PRAM1: variants seen among roughly 807,000 people sequenced by gnomAD.
PRAM1 encodes the protein PML-RARA regulated adaptor molecule 1.
In PRAM1, 41 loss-of-function variants were observed where a neutral mutation model predicts 55.3. The ratio of observed to expected loss-of-function variants is 0.74; its 90% CI spans 0.58 to 0.96. The LOEUF (loss-of-function observed/expected upper bound fraction) is 0.96. PRAM1 is among the 40% of genes least tolerant of loss of function. The probability of loss-of-function intolerance (pLI) is 0.00; values close to 1 mark genes in which losing one functional copy is unlikely to be tolerated. For synonymous variants in PRAM1, 401 were observed against 387.1 expected (o/e 1.04, Z -0.42); for missense variants, 898 against 892.7 (o/e 1.01, Z -0.08).
chr19:8,501,314 C>T (rs551631036), intron 1 of PRAM1, among the ~76,000 whole-genome samples: 4 of 151,280 alleles, frequency 2.6e-5, no homozygotes, highest in African/African-American at 7.3e-5. Context: ...AGGCTGGTCT[C>T]GAACTCCTGA....
intron 4 of PRAM1, among the ~76,000 whole-genome samples, chr19:8,497,179 T>A (rs2145791133): frequency 6.6e-6 from 1 of 150,810 alleles, no homozygotes; most frequent in South Asian, 2.1e-4. Flanking sequence ...CCTGCTTTTT[T>A]TTTTTTTTTT....
In PRAM1 at chr19:8,498,187, A is replaced by T. The variant is rs1376474553; in HGVS notation, c.1499+36T>A. 6 of 1,598,550 alleles carry T rather than the reference A, an allele frequency of 3.8e-6. No individual in the cohort carries two copies. The Admixed American group carries it at 1.0e-4, about 27-fold the overall frequency. On this transcript the variant is annotated intron_variant, in intron 3 of 9. Coordinates refer to ENST00000423345, the MANE Select transcript of PRAM1 (RefSeq NM_032152.5). ...GAGATGAGGCCTCTTTGAGCCCCAC[A>T]ATCCGCACCCACCTCCGCTTCCTCC... is the stretch of plus-strand genomic sequence containing the variant.
intron 2 of PRAM1, 39 bp from the exon 3 acceptor site, chr19:8,498,328 C>T: frequency 6.2e-7 from 1 of 1,600,870 alleles, no homozygotes; most frequent in Non-Finnish European, 8.5e-7. Flanking sequence ...CCGGCACTGC[C>T]TGGGACCTCA....
Position 8,493,717 on chromosome 19 carries a change from C to T in PRAM1, c.1577-2560G>A, listed in dbSNP as rs1168797938. 6.6e-6 allele frequency among the ~76,000 whole-genome samples: 1 copy of T among 152,196 alleles called. No individual in the cohort carries two copies. Among genetic ancestry groups the T allele is most frequent in the Non-Finnish European group, 1.5e-5 (1 of 68,032 alleles). The stretch of plus-strand genomic sequence containing the variant: ...GAGTCCTGGCCCCAAGAGACCTAAG[C>T]TGCCTTTGAGAAGCTGCACCCACAG... On this transcript the variant is annotated intron_variant, in intron 4 of 9. Transcript: ENST00000423345. This position sits in a 1 kb window ranked among gnomAD's most constrained non-coding sequence, Gnocchi z 4.1.
intron 4 of PRAM1, among the ~76,000 whole-genome samples, chr19:8,495,494 C>T (rs2145789225): frequency 6.6e-6 from 1 of 152,224 alleles, no homozygotes; most frequent in South Asian, 2.1e-4. Flanking sequence ...GCCCACCGGA[C>T]CTCCCAAACT....
At chr19:8,500,523 G>C (rs761241842) in intron 1 of PRAM1, among the ~76,000 whole-genome samples, 1 of 151,972 alleles carries the variant, frequency 6.6e-6, no homozygotes, top group South Asian at 2.1e-4. Context: ...CTCAAAACTC[G>C]GCAATGCTTC....
rs1371136158 is a variant in PRAM1, at chr19:8,499,405, C to G, written c.403G>C (p.Gly135Arg). ...GGCTTCCTTGGAAACGGAGTGGCCC[C>G]CAGCTGTGGGAACTTCTTGGAGAGG... ...SDLSKKFPQL[G>R]ATPFPRKPLQ... Residue 135 changes from glycine (G) to arginine (R), a missense_variant, in exon 2 of 10, where the codon GGG (glycine) becomes CGG (arginine). Coordinates refer to ENST00000423345, the MANE Select transcript of PRAM1 (RefSeq NM_032152.5). 1.2e-6 allele frequency: 2 copies of G among 1,612,710 alleles called. No individual in the cohort carries two copies. The highest frequency in any genetic ancestry group is 3.3e-5 in the Admixed American group (2 of 60,004).
Position 8,498,497 on chromosome 19 carries a change from A to G in PRAM1, c.1311T>C (p.His437=). 4 of 1,595,874 alleles carry G rather than the reference A, an allele frequency of 2.5e-6. No homozygotes were observed. Among genetic ancestry groups the G allele is most frequent in the Non-Finnish European group, 2.6e-6 (3 of 1,170,682 alleles). The change falls in exon 2 of 10, where the codon CAT becomes CAC. Residue 437 remains histidine (H), a synonymous_variant. Transcript: ENST00000423345. ...GGARPGLRPS[H]PPRRRPLPPA... The stretch of plus-strand genomic sequence containing the variant: ...GGGGCAGAGGCCTCCGCCGGGGTGG[A>G]TGGCTGGGTCTGAGGCCTGGCCTGG...
chr19:8,498,885 C>T lies in PRAM1; in HGVS notation c.923G>A (p.Arg308Lys). ...CGCTTTGAATTCGGCCGGCCGCGGC[C>T]TCTTGGGAAGCACGCTGACTTCGGG... ...SEPEVSVLPK[R>K]PRPAEFKALS... The change falls in exon 2 of 10, where the codon AGG (arginine) becomes AAG (lysine). Residue 308 changes from arginine (R) to lysine (K), a missense_variant. By Grantham distance (26) the Arg-to-Lys change is conservative. Coordinates refer to ENST00000423345, the MANE Select transcript of PRAM1 (RefSeq NM_032152.5). 6.2e-7 allele frequency: 1 copy of T among 1,612,678 alleles called. No homozygotes were observed. Among genetic ancestry groups the T allele is most frequent in the Non-Finnish European group, 8.5e-7 (1 of 1,179,444 alleles).
intron 4 of PRAM1, among the ~76,000 whole-genome samples, chr19:8,494,512 A>G (rs1432180104): frequency 6.6e-6 from 1 of 152,080 alleles, no homozygotes; most frequent in Non-Finnish European, 1.5e-5. Context: ...GAGCAGGAGC[A>G]CCTTAGAAGC....
Position 8,494,159 on chromosome 19 carries a change from T to C in PRAM1, c.1577-3002A>G, listed in dbSNP as rs180683234. On this transcript the variant is annotated intron_variant, in intron 4 of 9. Transcript: ENST00000423345. ...TGGCAAGGAAGGGGGAGAAGGTTATTTGGTGACAGGAACAATGGGCCAAGG... is the reference window on the plus strand; with the variant it reads ...TGGCAAGGAAGGGGGAGAAGGTTATCTGGTGACAGGAACAATGGGCCAAGG... 1.0e-3 allele frequency among the ~76,000 whole-genome samples: 155 copies of C among 152,284 alleles called. 1 individual carries two copies. The highest frequency in any genetic ancestry group is 3.6e-3 in the African/African-American group (151 of 41,554).
chr19:8,494,699 T>C (rs1043449922), intron 4 of PRAM1, among the ~76,000 whole-genome samples: 14 of 151,234 alleles, frequency 9.3e-5, no homozygotes, highest in Non-Finnish European at 1.3e-4. Flanking sequence ...TGGCAGGATC[T>C]CAGCTTACTG....
In PRAM1 at chr19:8,493,766, G is replaced by A. The variant is rs1971660806; in HGVS notation, c.1577-2609C>T. ...AGTGAGAAGCCCACGCCACTCCTGA[G>A]AAGCGGGAGATCCAGGGAAGTGGGA... is the stretch of plus-strand genomic sequence containing the variant. On this transcript the variant is annotated intron_variant, in intron 4 of 9. Transcript: ENST00000423345. The surrounding 1 kb of genome is among the most constrained non-coding windows in gnomAD (Gnocchi z 4.1). Among the ~76,000 whole-genome samples, 1 of 152,166 alleles carries A rather than the reference G, an allele frequency of 6.6e-6. No homozygotes were observed. Among genetic ancestry groups the A allele is most frequent in the Non-Finnish European group, 1.5e-5 (1 of 68,028 alleles).
At chr19:8,499,914 C>T (rs1284329822) in intron 1 of PRAM1, 134 bp from the exon 2 acceptor site, 2 of 703,276 alleles carry the variant, frequency 2.8e-6, no homozygotes, top group Non-Finnish European at 4.6e-6. Flanking sequence ...TCAGCTCTTT[C>T]CCAGGAGCCC....
At position 8,502,141 on chromosome 19, in the gene PRAM1, C is replaced by T. The variant is rs544213582; in HGVS notation, c.27+424G>A. On this transcript the variant is annotated intron_variant, in intron 1 of 9. Coordinates refer to ENST00000423345, the MANE Select transcript of PRAM1 (RefSeq NM_032152.5). ...CCGAGTGGTTTGAAGGAAGTGCTCC[C>T]GGGCGACCACAGGGCTAGATAAGTC... is the stretch of plus-strand genomic sequence containing the variant. Among the ~76,000 whole-genome samples the T allele has an allele frequency of 5.9e-5, 9 of 152,260 alleles. No individual in the cohort carries two copies. The South Asian group carries it at 8.3e-4, about 14-fold the overall frequency.
intron 4 of PRAM1, among the ~76,000 whole-genome samples, chr19:8,496,891 T>C (rs1409723564): frequency 2.0e-5 from 3 of 151,928 alleles, no homozygotes; most frequent in African/African-American, 7.3e-5. Context: ...CTGGGCGCGG[T>C]GGTGGGTGCC....
intron 4 of PRAM1, among the ~76,000 whole-genome samples, chr19:8,492,499 CCCCTGCCTCAGCCT>C (rs1397684876): frequency 6.6e-6 from 1 of 151,890 alleles, no homozygotes; most frequent in Non-Finnish European, 1.5e-5. Context: ...TCAGGTGATG[CCCCTGCCTCAGCCT>C]CCCAAAGTGC....
In PRAM1 at chr19:8,493,777, T is replaced by C. The variant is rs933992703; in HGVS notation, c.1577-2620A>G. Among the ~76,000 whole-genome samples the C allele has an allele frequency of 6.6e-6, 1 of 151,410 alleles. No homozygotes were observed. The highest frequency in any genetic ancestry group is 2.4e-5 in the African/African-American group (1 of 41,288). ...CACGCCACTCCTGAGAAGCGGGAGA[T>C]CCAGGGAAGTGGGACCTTTTTTTTT... On this transcript the variant is annotated intron_variant, in intron 4 of 9. Transcript: ENST00000423345. This position sits in a 1 kb window ranked among gnomAD's most constrained non-coding sequence, Gnocchi z 4.1.
rs1261611550 is a variant in PRAM1 at position 8,490,329 on chromosome 19, T to C, written c.1975+9A>G. ...GGGTCCCTCCAGCCCTCCCAGAGTG[T>C]CCACGTACCGCAGAAGTCGACATCA... is the stretch of plus-strand genomic sequence containing the variant. On this transcript the variant is annotated intron_variant, in intron 9 of 9. Coordinates refer to ENST00000423345, the MANE Select transcript of PRAM1 (RefSeq NM_032152.5). This position sits in a 1 kb window ranked among gnomAD's most constrained non-coding sequence, Gnocchi z 7.3. 1 of 1,613,688 alleles carries C rather than the reference T, an allele frequency of 6.2e-7. No homozygotes were observed. Among genetic ancestry groups the C allele is most frequent in the Admixed American group, 1.7e-5 (1 of 59,994 alleles).
Sources: gnomAD v4.1 joint callset for allele counts (sites outside exome capture counted in the v4.1 genomes callset) on GRCh38, gnomAD v4.1.1 for gene constraint, Gnocchi (gnomAD v3.1) non-coding constraint, MANE v1.5 for transcripts, NCBI Gene and HGNC (gene_info 2026-07-23, HGNC 2026-07-21) for gene names.